ROR1: variants seen among roughly 807,000 people sequenced by gnomAD.
ROR1 encodes the protein inactive tyrosine-protein kinase transmembrane receptor ROR1.
A neutral mutation model predicts 78.8 loss-of-function variants in ROR1; 19 were observed. The ratio of observed to expected loss-of-function variants is 0.24; its 90% CI spans 0.17 to 0.35. ROR1 has a LOEUF of 0.35. Among genes scored for constraint, ROR1 ranks in the 10% least tolerant of loss-of-function variants. ROR1 has a pLI of 1.00. For missense variants in ROR1, 917 were observed against 1,177.8 expected (o/e 0.78, Z 3.24); for synonymous variants, 386 against 433.6 (o/e 0.89, Z 1.36).
chr1:64,038,396 A>T (rs1043709574), intron 2 of ROR1, among the ~76,000 whole-genome samples: 1 of 152,054 alleles, frequency 6.6e-6, no homozygotes, highest in Non-Finnish European at 1.5e-5. Flanking sequence ...TGCCTTCAAC[A>T]CTCAGCATCT....
At chr1:63,916,405 C>T (rs1418005185) in intron 1 of ROR1, among the ~76,000 whole-genome samples, 3 of 152,058 alleles carry the variant, frequency 2.0e-5, no homozygotes, top group Non-Finnish European at 4.4e-5. Context: ...AGCCTAATAA[C>T]ATGGTAATAG....
rs1328564880 is a variant in ROR1, at chr1:64,179,776, T to A, written c.*921T>A. ...GGAACCAGTAACACTGAAAAATAAG[T>A]GTGTGGCTACAGATGAGCACGCCCA... On this transcript the variant is annotated 3_prime_UTR_variant, in exon 9 of 9. Transcript: ENST00000371079. The A allele has an allele frequency of 6.6e-6, 1 of 152,094 alleles. No individual in the cohort carries two copies. Among genetic ancestry groups the A allele is most frequent in the Non-Finnish European group, 1.5e-5 (1 of 68,028 alleles). 9.4% of individuals were successfully genotyped at this position (152,094 alleles called of 1,614,324 possible). A position where few individuals can be genotyped will look rare whatever the true frequency, so the allele number is the denominator to read the frequency against.
intron 1 of ROR1, among the ~76,000 whole-genome samples, chr1:63,900,674 A>T (rs1300887789): frequency 6.6e-6 from 1 of 152,092 alleles, no homozygotes; most frequent in Non-Finnish European, 1.5e-5. Flanking sequence ...AAAAAGACAC[A>T]GGTGATCTGC....
At chr1:63,841,250 T>G (rs754464297) in intron 1 of ROR1, among the ~76,000 whole-genome samples, 2 of 152,230 alleles carry the variant, frequency 1.3e-5, no homozygotes, top group Non-Finnish European at 2.9e-5. Context: ...AATTGCTAAA[T>G]GTGGAACTTG....
At chr1:63,824,862 T>C (rs1456061726) in intron 1 of ROR1, among the ~76,000 whole-genome samples, 1 of 152,248 alleles carries the variant, frequency 6.6e-6, no homozygotes, top group East Asian at 1.9e-4. Flanking sequence ...GGCTTACGTA[T>C]GTATAATGTC....
At chr1:64,020,974 G>C (rs1646560127) in intron 2 of ROR1, among the ~76,000 whole-genome samples, 1 of 151,874 alleles carries the variant, frequency 6.6e-6, no homozygotes, top group African/African-American at 2.4e-5. Flanking sequence ...TTCTGTCAAG[G>C]CTTCATGCTT....
At chr1:64,123,248 TGAG>T (rs1648605818) in intron 4 of ROR1, among the ~76,000 whole-genome samples, 1 of 152,194 alleles carries the variant, frequency 6.6e-6, no homozygotes, top group African/African-American at 2.4e-5. Context: ...CATAGTTTGG[TGAG>T]TATAATCAAA....
chr1:63,969,288 G>C (rs923015270), intron 1 of ROR1, among the ~76,000 whole-genome samples: 1 of 152,160 alleles, frequency 6.6e-6, no homozygotes, highest in African/African-American at 2.4e-5. Context: ...TGCAACTCTT[G>C]TTTTCTTTGT....
At chr1:63,780,087 G>C (rs1354362766) in intron 1 of ROR1, among the ~76,000 whole-genome samples, 3 of 152,010 alleles carry the variant, frequency 2.0e-5, no homozygotes, top group Admixed American at 2.0e-4. Flanking sequence ...TCCAAAAGCT[G>C]TTATGAAATA....
intron 1 of ROR1, among the ~76,000 whole-genome samples, chr1:63,976,429 GC>G (rs1252076582): frequency 1.3e-5 from 2 of 152,128 alleles, no homozygotes; most frequent in Admixed American, 6.5e-5. Context: ...GAGAAAATTG[GC>G]CAACTTTAGG....
chr1:63,969,055 G>A (rs1488776052), intron 1 of ROR1, among the ~76,000 whole-genome samples: 1 of 152,170 alleles, frequency 6.6e-6, no homozygotes, highest in Non-Finnish European at 1.5e-5. Context: ...GGGTGTGGGA[G>A]AAGAAATCCT....
chr1:63,905,392 G>T (rs1432391914), intron 1 of ROR1, among the ~76,000 whole-genome samples: 1 of 151,988 alleles, frequency 6.6e-6, no homozygotes, highest in African/African-American at 2.4e-5. Flanking sequence ...ATATACCCAG[G>T]ATATTAACAA....
chr1:63,994,060 A>G (rs1646317248), intron 1 of ROR1, among the ~76,000 whole-genome samples: 1 of 152,178 alleles, frequency 6.6e-6, no homozygotes, highest in Non-Finnish European at 1.5e-5. Context: ...GGGAGAAATA[A>G]CATCTCATTG....
chr1:63,889,675 C>A (rs1645381191), intron 1 of ROR1, among the ~76,000 whole-genome samples: 1 of 152,138 alleles, frequency 6.6e-6, no homozygotes, highest in South Asian at 2.1e-4. Flanking sequence ...AAATTCAATT[C>A]ATTTCAGATT....
chr1:64,165,122 G>A (rs950332835), intron 8 of ROR1, among the ~76,000 whole-genome samples: 1 of 152,076 alleles, frequency 6.6e-6, no homozygotes, highest in African/African-American at 2.4e-5. Context: ...ATATACCCAG[G>A]ATTTAAATTG....
chr1:63,829,901 A>G (rs1274773291), intron 1 of ROR1, among the ~76,000 whole-genome samples: 1 of 152,108 alleles, frequency 6.6e-6, no homozygotes, highest in Non-Finnish European at 1.5e-5. Flanking sequence ...AGCTCCCAGG[A>G]AGGGAGGTTG....
At chr1:64,051,468 AAAAT>A (rs1646830671) in intron 4 of ROR1, among the ~76,000 whole-genome samples, 1 of 132,074 alleles carries the variant, frequency 7.6e-6, no homozygotes, top group Admixed American at 7.4e-5. Context: ...AAAATAAAAT[AAAAT>A]AAAATAAAAT....
In ROR1 at chr1:64,160,253, C is replaced by T. The variant is rs116750343; in HGVS notation, c.1386+1061C>T. 1.0e-2 allele frequency among the ~76,000 whole-genome samples: 1,515 copies of T among 152,074 alleles called. 15 individuals are homozygous for T. Among genetic ancestry groups the T allele is most frequent in the Non-Finnish European group, 0.014 (979 of 67,984 alleles). On this transcript the variant is annotated intron_variant, in intron 8 of 8. Transcript: ENST00000371079. ...TCCTCTTATCTAATAAATGGAGTAG[C>T]GTAATTGGGCTGACACAGAGCCCTC...
intron 1 of ROR1, among the ~76,000 whole-genome samples, chr1:63,926,020 T>G (rs1645700165): frequency 6.6e-6 from 1 of 151,684 alleles, no homozygotes; most frequent in African/African-American, 2.4e-5. Flanking sequence ...TTAGTTTAAT[T>G]AGATCCCATT....
Sources: allele counts gnomAD v4.1 joint callset (sites outside exome capture counted in the v4.1 genomes callset), GRCh38; gene constraint gnomAD v4.1.1; transcripts MANE v1.5; gene names NCBI Gene and HGNC (gene_info 2026-07-23, HGNC 2026-07-21).